ADAMTSL3: variants seen among roughly 807,000 people sequenced by gnomAD.
ADAMTSL3 encodes the protein ADAMTS-like protein 3.
ADAMTSL3 carries 128 observed loss-of-function variants against 201.7 expected under a neutral mutation model. The ratio of observed to expected loss-of-function variants is 0.63; its 90% CI spans 0.55 to 0.73. The LOEUF (loss-of-function observed/expected upper bound fraction) is 0.73. ADAMTSL3 is among the 30% of genes least tolerant of loss of function. ADAMTSL3 has a pLI of 0.00. For missense variants in ADAMTSL3, 1,990 were observed against 2,119.6 expected, an observed-to-expected ratio of 0.94 and a Z score of 1.20; for synonymous variants, 738 against 748.4, an observed-to-expected ratio of 0.99 and a Z score of 0.23.
At chr15:83,747,152 G>A (rs975820674) in intron 3 of ADAMTSL3, among the ~76,000 whole-genome samples, 3 of 152,166 alleles carry the variant, frequency 2.0e-5, no homozygotes, top group African/African-American at 4.8e-5. Flanking sequence ...TGGAAGTTAG[G>A]TTAGATAAGG....
chr15:83,982,309 AG>A lies in ADAMTSL3; in HGVS notation c.2684del (p.Gly895ValfsTer22), dbSNP rs769356840. ...KSEMKTKLGEQGPQILSVQRV... is the reference protein window; with the variant it reads ...KSEMKTKLGEXGPQILSVQRV... ...GAGATGAAGACAAAACTTGGTGAGC[AG>A]GGTCCGCAGATCCTCAGTGTCCAGA... On this transcript the variant is annotated frameshift_variant, in exon 21 of 30. Transcript: ENST00000286744. LOFTEE classifies it high-confidence loss of function. 1.9e-6 allele frequency: 3 copies of A among 1,606,856 alleles called. No individual in the cohort carries two copies. In the South Asian group the frequency reaches 3.3e-5, roughly 18 times the overall value.
At chr15:83,914,433 G>A (rs1427406309) in intron 16 of ADAMTSL3, among the ~76,000 whole-genome samples, 1 of 152,094 alleles carries the variant, frequency 6.6e-6, no homozygotes, top group Admixed American at 6.5e-5. Flanking sequence ...TCTCTTTCCT[G>A]TCTAATTCAA....
intron 3 of ADAMTSL3, among the ~76,000 whole-genome samples, chr15:83,715,420 C>T (rs537765784): frequency 6.6e-6 from 1 of 152,280 alleles, no homozygotes; most frequent in South Asian, 2.1e-4. Context: ...ATATAACATA[C>T]ACCTCCCTTC....
chr15:83,994,168 GTGCACTGGACAAC>G (rs2067634004), intron 23 of ADAMTSL3, among the ~76,000 whole-genome samples: 1 of 152,222 alleles, frequency 6.6e-6, no homozygotes, highest in Admixed American at 6.5e-5. Context: ...TAAACACAAG[GTGCACTGGACAAC>G]TGCTTCTTAG....
chr15:83,942,771 A>G lies in ADAMTSL3; in HGVS notation c.2293A>G (p.Ile765Val). The change falls in exon 18 of 30, where the codon ATT (isoleucine) becomes GTT (valine). Residue 765 changes from isoleucine to valine, a missense_variant. Coordinates refer to ENST00000286744, the MANE Select transcript of ADAMTSL3 (RefSeq NM_207517.3). Reference sequence around the variant, plus strand: ...GTTTGACTGCCCTCCTGGCTGGCACATTGAAGAATGGCAGCAGGTAGGGCA... The same window carrying G: ...GTTTGACTGCCCTCCTGGCTGGCACGTTGAAGAATGGCAGCAGGTAGGGCA... ...NQFDCPPGWH[I>V]EEWQQCSRTC... is the part of the protein sequence containing the mutation. 6.2e-7 allele frequency: 1 copy of G among 1,613,612 alleles called. No homozygotes were observed. The highest frequency in any genetic ancestry group is 8.5e-7 in the Non-Finnish European group (1 of 1,179,782).
At chr15:83,944,060 A>T (rs2066612212) in intron 19 of ADAMTSL3, among the ~76,000 whole-genome samples, 1 of 152,206 alleles carries the variant, frequency 6.6e-6, no homozygotes, top group South Asian at 2.1e-4. Context: ...ATGGAGCGAG[A>T]TGGTGAGAGA....
At chr15:83,911,308 A>G (rs1330628393) in intron 15 of ADAMTSL3, among the ~76,000 whole-genome samples, 4 of 152,202 alleles carry the variant, frequency 2.6e-5, no homozygotes, top group Non-Finnish European at 5.9e-5. Flanking sequence ...GTATATAGGT[A>G]TATATAGATA....
At chr15:84,033,163 T>C (rs1488641061) in intron 28 of ADAMTSL3, among the ~76,000 whole-genome samples, 1 of 152,158 alleles carries the variant, frequency 6.6e-6, no homozygotes, top group Non-Finnish European at 1.5e-5. Flanking sequence ...CCTGGTATAC[T>C]GTCACAGCTG....
At chr15:83,843,844 A>T (rs940421215) in intron 7 of ADAMTSL3, among the ~76,000 whole-genome samples, 2 of 152,236 alleles carry the variant, frequency 1.3e-5, no homozygotes, top group Admixed American at 6.5e-5. Flanking sequence ...TGCTATGAAA[A>T]ATATCAGAAA....
intron 23 of ADAMTSL3, among the ~76,000 whole-genome samples, chr15:83,996,227 G>T (rs1190419214): frequency 5.3e-5 from 8 of 152,130 alleles, no homozygotes; most frequent in African/African-American, 9.7e-5. Flanking sequence ...TGATGATGGG[G>T]TTGCACAACT....
intron 3 of ADAMTSL3, among the ~76,000 whole-genome samples, chr15:83,734,569 G>T (rs1470582926): frequency 1.3e-5 from 2 of 152,174 alleles, no homozygotes; most frequent in East Asian, 3.9e-4. Flanking sequence ...GCACTTGTGT[G>T]CCTGCTTTGT....
intron 20 of ADAMTSL3, among the ~76,000 whole-genome samples, chr15:83,974,320 C>T (rs1193567056): frequency 1.3e-5 from 2 of 152,194 alleles, no homozygotes; most frequent in African/African-American, 2.4e-5. Context: ...TCAGTTTTCT[C>T]ATCTGTAAAA....
chr15:84,014,743 T>C lies in ADAMTSL3; in HGVS notation c.4156+19T>C, dbSNP rs370194238. 1.3e-6 allele frequency: 2 copies of C among 1,596,254 alleles called. No individual in the cohort carries two copies. Among genetic ancestry groups the C allele is most frequent in the Non-Finnish European group, 1.7e-6 (2 of 1,171,634 alleles). On this transcript the variant is annotated intron_variant, in intron 24 of 29. Transcript: ENST00000286744. The stretch of plus-strand genomic sequence containing the variant: ...TTGCTGGGTAAGTGTCAAATTCTTA[T>C]TGCTCCTTAAGTGCCTCCTGTAATA...
chr15:83,789,271 T>C, intron 4 of ADAMTSL3, among the ~76,000 whole-genome samples: 1 of 152,202 alleles, frequency 6.6e-6, no homozygotes, highest in East Asian at 1.9e-4. Context: ...TATTTTTTCC[T>C]GAGTTATTTT....
chr15:84,007,328 G>A (rs967562143), intron 23 of ADAMTSL3, among the ~76,000 whole-genome samples: 1 of 152,146 alleles, frequency 6.6e-6, no homozygotes, highest in African/African-American at 2.4e-5. Context: ...GAAAAGTTCT[G>A]GAGTGTAGAC....
intron 5 of ADAMTSL3, among the ~76,000 whole-genome samples, chr15:83,812,758 TAACTG>T (rs934744096): frequency 1.3e-4 from 20 of 152,212 alleles, no homozygotes; most frequent in Admixed American, 1.3e-4. Context: ...TCCTCACACT[TAACTG>T]AAATAGTAAT....
chr15:83,886,555 C>G (rs2065394875), intron 10 of ADAMTSL3, among the ~76,000 whole-genome samples: 1 of 152,220 alleles, frequency 6.6e-6, no homozygotes, highest in South Asian at 2.1e-4. Flanking sequence ...TGACTTTGCC[C>G]TTTGCCTCCC....
At chr15:83,860,735 A>G (rs149053226) in intron 8 of ADAMTSL3, among the ~76,000 whole-genome samples, 1,706 of 152,318 alleles carry the variant, frequency 0.011, 34 homozygotes, top group African/African-American at 0.037. Context: ...AGCTCCCAGC[A>G]TGAGTGACGT....
Position 83,665,574 on chromosome 15 carries a change from A to G in ADAMTSL3, c.69+9744A>G, listed in dbSNP as rs573009274. Among the ~76,000 whole-genome samples the G allele has an allele frequency of 5.3e-4, 81 of 152,326 alleles. 1 individual carries two copies. Among genetic ancestry groups the G allele is most frequent in the African/African-American group, 1.8e-3 (75 of 41,566 alleles). On this transcript the variant is annotated intron_variant, in intron 2 of 29. Transcript: ENST00000286744. Reference sequence around the variant, plus strand: ...GAAAAAACTTAGGCAGTGTTCCTCCATTGCATTACTAATGTATCTTAAAGC... The same window carrying G: ...GAAAAAACTTAGGCAGTGTTCCTCCGTTGCATTACTAATGTATCTTAAAGC...
Sources: gnomAD v4.1 joint callset for allele counts (sites outside exome capture counted in the v4.1 genomes callset) on GRCh38, gnomAD v4.1.1 for gene constraint, MANE v1.5 for transcripts, NCBI Gene and HGNC (gene_info 2026-07-23, HGNC 2026-07-21) for gene names.